The following MTHFSD variants were observed in gnomAD, a reference collection of about 807,000 sequenced individuals.
MTHFSD encodes methenyltetrahydrofolate synthase domain-containing protein.
In MTHFSD, 37 loss-of-function variants were observed where a neutral mutation model predicts 31.1. The observed-to-expected ratio is 1.19, with a 90% confidence interval of 0.91 to 1.56. The LOEUF (loss-of-function observed/expected upper bound fraction) is 1.56, where lower values mean the gene tolerates loss of function less well. MTHFSD is among the 40% of genes most tolerant of loss of function. MTHFSD has a pLI of 0.00. For synonymous variants in MTHFSD, 221 were observed against 206.9 expected (o/e 1.07, Z -0.59); for missense variants, 664 against 510.1 (o/e 1.30, Z -2.91).
chr16:86,541,461 T>A (rs1567538722), intron 7 of MTHFSD: 11 of 645,750 alleles, frequency 1.7e-5, no homozygotes, highest in Non-Finnish European at 2.8e-5. Context: ...TTCTGCCATC[T>A]ACAGAGGCAG....
chr16:86,554,873 G>A (rs972011324), intron 1 of MTHFSD, 122 bp from the exon 2 acceptor site: 48 of 1,058,190 alleles, frequency 4.5e-5, no homozygotes, highest in Admixed American at 5.5e-5. Flanking sequence ...TCCTGTTCCT[G>A]AGCCTCAGTT....
rs970628553 is a variant in MTHFSD, at chr16:86,531,497, C to T, written c.*514G>A. ...GAGCACTTTTTACCCAGGGGCTGAG[C>T]TTCCTGGGCTCCTGCGACATGGATG... On this transcript the variant is annotated 3_prime_UTR_variant, in exon 8 of 8. Coordinates refer to ENST00000360900, the MANE Select transcript of MTHFSD (RefSeq NM_001159377.2). The surrounding 1 kb of genome is among the most constrained non-coding windows in gnomAD (Gnocchi z 5.5). The T allele has an allele frequency of 6.6e-6, 1 of 152,338 alleles. No homozygotes were observed. Among genetic ancestry groups the T allele is most frequent in the Non-Finnish European group, 1.5e-5 (1 of 68,120 alleles). 9.4% of individuals were successfully genotyped at this position (152,338 alleles called of 1,614,324 possible).
chr16:86,532,328 G>T lies in MTHFSD; in HGVS notation c.835C>A (p.Pro279Thr), dbSNP rs553029733. ...QTVPLSVGRR[P>T]PDTPGPETNS... Reference sequence around the variant, plus strand: ...GTTTCTGGTCCGGGTGTGTCCGGGGGCCTCCTGCCAACACTCAGGGGCACT... The same window carrying T: ...GTTTCTGGTCCGGGTGTGTCCGGGGTCCTCCTGCCAACACTCAGGGGCACT... The change falls in exon 8 of 8, where the codon CCC (proline) becomes ACC (threonine). Residue 279 changes from proline (P) to threonine (T), a missense_variant. Pro to Thr is a conservative substitution (Grantham distance 38). Coordinates refer to ENST00000360900, the MANE Select transcript of MTHFSD (RefSeq NM_001159377.2). 2 of 1,595,548 alleles carry T rather than the reference G, an allele frequency of 1.3e-6. No individual in the cohort carries two copies. The highest frequency in any genetic ancestry group is 2.7e-5 in the African/African-American group (2 of 74,552).
rs995444241 is a variant in MTHFSD at position 86,555,162 on chromosome 16, C to A, written c.16+7G>T. 3.9e-6 allele frequency: 6 copies of A among 1,536,410 alleles called. No homozygotes were observed. In the African/African-American group the frequency reaches 5.5e-5, roughly 14 times the overall value. On this transcript the variant is annotated splice_region_variant and intron_variant, in intron 1 of 7. Coordinates refer to ENST00000360900, the MANE Select transcript of MTHFSD (RefSeq NM_001159377.2). ...CAGCCGCCCCGGAGCCCCGCCAGGCCCCCCACCTGCCCTCGGCTCCATGGT... is the reference window on the plus strand; with the variant it reads ...CAGCCGCCCCGGAGCCCCGCCAGGCACCCCACCTGCCCTCGGCTCCATGGT...
intron 7 of MTHFSD, among the ~76,000 whole-genome samples, chr16:86,536,899 C>G (rs967629772): frequency 6.6e-6 from 1 of 152,234 alleles, no homozygotes; most frequent in East Asian, 1.9e-4. Context: ...TCCCCTCACG[C>G]AGACATGCTT....
At chr16:86,537,948 G>A (rs949699370) in intron 7 of MTHFSD, among the ~76,000 whole-genome samples, 7 of 152,236 alleles carry the variant, frequency 4.6e-5, no homozygotes, top group South Asian at 2.1e-4. Flanking sequence ...CGCCAACCCC[G>A]TGGTAATCAG....
chr16:86,549,106 G>C (rs1343959848), intron 3 of MTHFSD, among the ~76,000 whole-genome samples: 1 of 152,242 alleles, frequency 6.6e-6, no homozygotes, highest in Non-Finnish European at 1.5e-5. Context: ...AATAGCCCTT[G>C]ACTTCTACTT....
At chr16:86,553,584 G>A (rs564937614) in intron 2 of MTHFSD, 9 of 154,020 alleles carry the variant, frequency 5.8e-5, no homozygotes, top group East Asian at 3.8e-4. Context: ...ATTTCTCGCC[G>A]GGCCTTAGCT....
At chr16:86,546,778 C>T (rs1014399284) in intron 4 of MTHFSD, 129 bp from the exon 5 acceptor site, 5 of 745,810 alleles carry the variant, frequency 6.7e-6, no homozygotes, top group East Asian at 2.7e-5. Flanking sequence ...CACGCAACAC[C>T]GGAGATGTGG....
intron 1 of MTHFSD, 189 bp from the exon 2 acceptor site, chr16:86,554,940 G>A (rs1597395140): frequency 8.3e-7 from 1 of 1,207,982 alleles, no homozygotes; most frequent in South Asian, 1.6e-5. Flanking sequence ...TGTCCCTCCC[G>A]CCTCGTCTTC....
At chr16:86,554,976 C>G in intron 1 of MTHFSD, 193 bp downstream of exon 1, 1 of 1,329,402 alleles carries the variant, frequency 7.5e-7, no homozygotes, top group Non-Finnish European at 1.0e-6. Context: ...TTCCTGACAT[C>G]TTTCTCGGGA....
At chr16:86,540,266 A>G (rs1971306158) in intron 7 of MTHFSD, among the ~76,000 whole-genome samples, 1 of 152,198 alleles carries the variant, frequency 6.6e-6, no homozygotes. Context: ...GAGGCCTCAT[A>G]AACAGTGACT....
At chr16:86,537,115 A>C (rs139750175) in intron 7 of MTHFSD, among the ~76,000 whole-genome samples, 5 of 152,288 alleles carry the variant, frequency 3.3e-5, no homozygotes, top group African/African-American at 1.2e-4. Flanking sequence ...ATATTGAACA[A>C]ATTTACTATT....
At chr16:86,550,793 G>A (rs983408148) in intron 3 of MTHFSD, among the ~76,000 whole-genome samples, 3 of 152,198 alleles carry the variant, frequency 2.0e-5, no homozygotes, top group Non-Finnish European at 4.4e-5. Flanking sequence ...GCTTCTGGAA[G>A]AGCCTACATG....
chr16:86,541,139 C>T, intron 7 of MTHFSD: 2 of 1,287,126 alleles, frequency 1.6e-6, no homozygotes, highest in Non-Finnish European at 2.0e-6. Flanking sequence ...AACCTACAGG[C>T]TGATTTGCAG....
chr16:86,541,347 G>T, intron 7 of MTHFSD: 1 of 754,546 alleles, frequency 1.3e-6, no homozygotes, highest in East Asian at 5.5e-5. Flanking sequence ...ATAACACCAG[G>T]CAGAGCTTGC....
chr16:86,542,224 A>T lies in MTHFSD; in HGVS notation c.443-11T>A. On this transcript the variant is annotated splice_polypyrimidine_tract_variant and intron_variant, in intron 5 of 7. Transcript: ENST00000360900. This position sits in a 1 kb window ranked among gnomAD's most constrained non-coding sequence, Gnocchi z 4.6. ...TCCCGATTCTCCAGCCTAAGAGACAACCGAGAATCAGTATCGCTGTGCGGT... is the reference window on the plus strand; with the variant it reads ...TCCCGATTCTCCAGCCTAAGAGACATCCGAGAATCAGTATCGCTGTGCGGT... 6.2e-7 allele frequency: 1 copy of T among 1,608,996 alleles called. No individual in the cohort carries two copies. Among genetic ancestry groups the T allele is most frequent in the Non-Finnish European group, 8.5e-7 (1 of 1,176,534 alleles).
At position 86,540,964 on chromosome 16, in the gene MTHFSD, T is replaced by A. The variant is rs1971419614; in HGVS notation, c.681+733A>T. 3 of 1,169,506 alleles carry A rather than the reference T, an allele frequency of 2.6e-6. No homozygotes were observed. The South Asian group carries it at 5.0e-5, about 19-fold the overall frequency. 72.4% of individuals were successfully genotyped at this position (1,169,506 alleles called of 1,614,324 possible). A position where few individuals can be genotyped will look rare whatever the true frequency, so the allele number is the denominator to read the frequency against. Reference sequence around the variant, plus strand: ...TCTGTGTTCATCCTTAGAGGTGATGTTGTTAATTTTCCATGCCCAAAGGAG... The same window carrying A: ...TCTGTGTTCATCCTTAGAGGTGATGATGTTAATTTTCCATGCCCAAAGGAG... On this transcript the variant is annotated intron_variant, in intron 7 of 7. Coordinates refer to ENST00000360900, the MANE Select transcript of MTHFSD (RefSeq NM_001159377.2).
chr16:86,550,988 G>C (rs999053842), intron 3 of MTHFSD, among the ~76,000 whole-genome samples: 2 of 152,334 alleles, frequency 1.3e-5, no homozygotes, highest in East Asian at 1.9e-4. Context: ...GCAGCGTTAA[G>C]GCAGAATGAC....
Sources: allele counts gnomAD v4.1 joint callset (sites outside exome capture counted in the v4.1 genomes callset), GRCh38; gene constraint gnomAD v4.1.1; non-coding constraint Gnocchi (gnomAD v3.1); transcripts MANE v1.5; gene names NCBI Gene and HGNC (gene_info 2026-07-23, HGNC 2026-07-21).